LRRC9: variants seen among roughly 807,000 people sequenced by gnomAD.
The protein encoded by LRRC9 is leucine rich repeat containing 9.
In LRRC9, 122 loss-of-function variants were observed where a neutral mutation model predicts 63.2. That is an observed-to-expected ratio of 1.93 (90% CI 1.67 to 2.24). The LOEUF (loss-of-function observed/expected upper bound fraction) is 2.24, where lower values mean the gene tolerates loss of function less well. Among genes scored for constraint, LRRC9 ranks in the 30% most tolerant of loss-of-function variants. The probability of loss-of-function intolerance (pLI) is 0.00; values close to 1 mark genes in which losing one functional copy is unlikely to be tolerated. For missense variants in LRRC9, 1,071 were observed against 627.7 expected, an observed-to-expected ratio of 1.71 and a Z score of -7.55; for synonymous variants, 366 against 213.1, an observed-to-expected ratio of 1.72 and a Z score of -6.25.
intron 27 of LRRC9, among the ~76,000 whole-genome samples, chr14:60,025,679 CAA>C (rs4033012): frequency 5.8e-4 from 56 of 97,068 alleles, no homozygotes; most frequent in African/African-American, 1.2e-3. Flanking sequence ...ATATATTTTA[CAA>C]AAAAAAAAAA....
chr14:59,943,583 T>C (rs1882024448), intron 7 of LRRC9, among the ~76,000 whole-genome samples: 1 of 152,142 alleles, frequency 6.6e-6, no homozygotes, highest in South Asian at 2.1e-4. Flanking sequence ...AATCAGTTTA[T>C]CATGATCCTA....
At chr14:60,054,868 T>C (rs1275710972) in intron 30 of LRRC9, among the ~76,000 whole-genome samples, 1 of 152,130 alleles carries the variant, frequency 6.6e-6, no homozygotes, top group Non-Finnish European at 1.5e-5. Flanking sequence ...TTCAGTTGAT[T>C]CTCCTGCCTC....
intron 28 of LRRC9, among the ~76,000 whole-genome samples, chr14:60,028,944 T>A (rs1227812696): frequency 6.6e-6 from 1 of 152,062 alleles, no homozygotes; most frequent in Non-Finnish European, 1.5e-5. Flanking sequence ...TGGGGGAGAT[T>A]TTTTTAAAGC....
chr14:59,939,754 G>A (rs1260755634), intron 7 of LRRC9, among the ~76,000 whole-genome samples: 1 of 151,914 alleles, frequency 6.6e-6, no homozygotes, highest in Non-Finnish European at 1.5e-5. Flanking sequence ...AGTATGGGAG[G>A]TGTAGGTTTA....
At chr14:60,023,624 TTAAA>T (rs1420328849) in intron 27 of LRRC9, among the ~76,000 whole-genome samples, 8 of 152,114 alleles carry the variant, frequency 5.3e-5, no homozygotes, top group Non-Finnish European at 1.0e-4. Context: ...TAGTTTTTGT[TTAAA>T]TAAGCCTCAT....
At chr14:59,985,866 C>T (rs1327702149) in intron 17 of LRRC9, among the ~76,000 whole-genome samples, 1 of 152,124 alleles carries the variant, frequency 6.6e-6, no homozygotes, top group Non-Finnish European at 1.5e-5. Context: ...TCATTTCTAT[C>T]TACTTTAAAA....
At chr14:60,002,183 AG>A (rs1889432188) in intron 20 of LRRC9, 83 bp downstream of exon 20, 1 of 546,974 alleles carries the variant, frequency 1.8e-6, no homozygotes, top group South Asian at 2.6e-5. Flanking sequence ...TATCATAAAG[AG>A]GGCACAGATA....
chr14:59,943,052 T>C (rs1248322702), intron 7 of LRRC9, among the ~76,000 whole-genome samples: 1 of 152,144 alleles, frequency 6.6e-6, no homozygotes, highest in Non-Finnish European at 1.5e-5. Flanking sequence ...GAGTTCGTTG[T>C]ATATTCTGGA....
At chr14:60,054,017 G>C in intron 30 of LRRC9, 1 of 414,348 alleles carries the variant, frequency 2.4e-6, no homozygotes, top group South Asian at 1.8e-5. Context: ...ATGAATCTTT[G>C]ATGTAAGTGA....
intron 12 of LRRC9, among the ~76,000 whole-genome samples, chr14:59,971,673 T>C (rs1314841475): frequency 6.6e-6 from 1 of 152,108 alleles, no homozygotes; most frequent in Non-Finnish European, 1.5e-5. Context: ...TCCATAACAA[T>C]ACTGTCATTT....
At chr14:59,980,501 T>A (rs1480950901) in intron 15 of LRRC9, among the ~76,000 whole-genome samples, 1 of 152,174 alleles carries the variant, frequency 6.6e-6, no homozygotes, top group Non-Finnish European at 1.5e-5. Flanking sequence ...CAAATAAAAT[T>A]TAGAATAGCT....
At chr14:59,972,064 C>A (rs1371211388) in intron 12 of LRRC9, among the ~76,000 whole-genome samples, 1 of 152,100 alleles carries the variant, frequency 6.6e-6, no homozygotes, top group Non-Finnish European at 1.5e-5. Flanking sequence ...TATCTTCAAC[C>A]TAACTCCCCA....
chr14:60,063,901 G>T (rs1422825363), downstream of LRRC9, among the ~76,000 whole-genome samples: 1 of 152,106 alleles, frequency 6.6e-6, no homozygotes, highest in Non-Finnish European at 1.5e-5. Context: ...TTTTAGGACT[G>T]TATTTTTTTA....
intron 3 of LRRC9, among the ~76,000 whole-genome samples, chr14:59,929,378 T>A (rs970442345): frequency 1.3e-4 from 19 of 151,534 alleles, no homozygotes; most frequent in African/African-American, 4.4e-4. Context: ...TGAGATACTA[T>A]CTCACACTAA....
At chr14:59,968,254 G>A (rs1885064857) in intron 12 of LRRC9, among the ~76,000 whole-genome samples, 1 of 152,162 alleles carries the variant, frequency 6.6e-6, no homozygotes, top group South Asian at 2.1e-4. Flanking sequence ...TAGAATAGAG[G>A]TTACCAAAGG....
intron 12 of LRRC9, among the ~76,000 whole-genome samples, chr14:59,970,078 A>G (rs1348642931): frequency 3.9e-5 from 6 of 152,036 alleles, no homozygotes; most frequent in Non-Finnish European, 5.9e-5. Context: ...TAAGCCTAGT[A>G]CCCATTAGTT....
At chr14:60,008,099 G>A (rs1400355826) in exon 23 of LRRC9, 2 of 691,578 alleles carry the variant, frequency 2.9e-6, no homozygotes, top group Middle Eastern at 2.3e-4. Flanking sequence ...TAGGGTTTAT[G>A]CAACTTGGTC....
rs776644677 is a variant in LRRC9, at chr14:59,938,252, T to G, written c.544-138T>G. On this transcript the variant is annotated intron_variant, in intron 6 of 31. Coordinates refer to ENST00000445360, the Ensembl canonical transcript of LRRC9. This position sits in a 1 kb window ranked among gnomAD's most constrained non-coding sequence, Gnocchi z 4.2. ...TAGCTTTTCAATAGAGAGAAACATT[T>G]TAGGCATCTAAATCACTTTAATGTA... 1 of 463,304 alleles carries G rather than the reference T, an allele frequency of 2.2e-6. No individual in the cohort carries two copies. The highest frequency in any genetic ancestry group is 3.4e-5 in the East Asian group (1 of 29,142). 28.7% of individuals were successfully genotyped at this position (463,304 alleles called of 1,614,324 possible).
rs543757708 is a variant in LRRC9, at chr14:59,927,660, A to G, written c.-33-251A>G. Among the ~76,000 whole-genome samples the G allele has an allele frequency of 6.6e-6, 1 of 152,122 alleles. No individual in the cohort carries two copies. Among genetic ancestry groups the G allele is most frequent in the Non-Finnish European group, 1.5e-5 (1 of 67,886 alleles). ...AGTATTGAAGGCTCATCGTGTGGAA[A>G]AAAAGTTATACCGAGGAGGTATACT... is the stretch of plus-strand genomic sequence containing the variant. On this transcript the variant is annotated intron_variant, in intron 1 of 31. Coordinates refer to ENST00000445360, the Ensembl canonical transcript of LRRC9. The surrounding 1 kb of genome is among the most constrained non-coding windows in gnomAD (Gnocchi z 4.4).
Sources: allele counts gnomAD v4.1 joint callset (sites outside exome capture counted in the v4.1 genomes callset), GRCh38; gene constraint gnomAD v4.1.1; non-coding constraint Gnocchi (gnomAD v3.1); transcripts MANE v1.5; gene names NCBI Gene and HGNC (gene_info 2026-07-23, HGNC 2026-07-21).